The following PLCH1 variants were observed in gnomAD, a reference collection of about 807,000 sequenced individuals.
PLCH1 encodes phospholipase C eta 1, also known as 1-phosphatidylinositol 4,5-bisphosphate phosphodiesterase eta-1.
In PLCH1, 60 loss-of-function variants were observed where a neutral mutation model predicts 126.7. The ratio of observed to expected loss-of-function variants is 0.47; its 90% CI spans 0.38 to 0.59. PLCH1 has a LOEUF of 0.59. Among genes scored for constraint, PLCH1 ranks in the 20% least tolerant of loss-of-function variants. The pLI is 0.00. For missense variants in PLCH1, 1,723 were observed against 2,040.0 expected, an observed-to-expected ratio of 0.84 and a Z score of 2.99; for synonymous variants, 719 against 734.9, an observed-to-expected ratio of 0.98 and a Z score of 0.35.
chr3:155,485,651 T>C lies in PLCH1; in HGVS notation c.2679A>G (p.Ser893=). The part of the protein sequence containing the change: ...LFNKNPRHSS[S]ENNSHYVRKR... Reference sequence around the variant, plus strand: ...TCCGTACATAATGGGAATTGTTTTCTGAAGAACTGTGCCTAGGATTCTTAT... The same window carrying C: ...TCCGTACATAATGGGAATTGTTTTCCGAAGAACTGTGCCTAGGATTCTTAT... The change falls in exon 22 of 23, where the codon TCA becomes TCG. Residue 893 remains serine (S), a synonymous_variant. Coordinates refer to ENST00000460012, the MANE Select transcript of PLCH1 (RefSeq NM_014996.4). 2 of 1,608,992 alleles carry C rather than the reference T, an allele frequency of 1.2e-6. No individual in the cohort carries two copies. The highest frequency in any genetic ancestry group is 1.7e-6 in the Non-Finnish European group (2 of 1,179,974).
intron 4 of PLCH1, among the ~76,000 whole-genome samples, chr3:155,586,822 C>T (rs551882206): frequency 6.6e-6 from 1 of 152,232 alleles, no homozygotes; most frequent in South Asian, 2.1e-4. Flanking sequence ...AATATCAAAT[C>T]TATTATTGCA....
intron 6 of PLCH1, among the ~76,000 whole-genome samples, chr3:155,571,637 G>T (rs1729240145): frequency 6.6e-6 from 1 of 152,174 alleles, no homozygotes; most frequent in Non-Finnish European, 1.5e-5. Flanking sequence ...GACCTCAGGT[G>T]ATCTGCCCAC....
chr3:155,461,866 C>T (rs1712739705), intron 21 of PLCH1, among the ~76,000 whole-genome samples: 1 of 152,172 alleles, frequency 6.6e-6, no homozygotes, highest in African/African-American at 2.4e-5. Flanking sequence ...ATGATGGGCT[C>T]ATAAACAAAG....
Position 155,688,302 on chromosome 3 carries a change from G to T in PLCH1, c.79+15844C>A, listed in dbSNP as rs894464779. Among the ~76,000 whole-genome samples, 4 of 152,260 alleles carry T rather than the reference G, an allele frequency of 2.6e-5. No homozygotes were observed. The South Asian group carries it at 8.3e-4, about 32-fold the overall frequency. On this transcript the variant is annotated intron_variant, in intron 2 of 22. Transcript: ENST00000460012. ...ATGCCATAAATATCTAGCCATTTTT[G>T]ATAATCAGAAAATGCAGTGATTTAC...
intron 2 of PLCH1, among the ~76,000 whole-genome samples, chr3:155,619,498 T>TTAAAAAAAAAAAAAA (rs200522384): frequency 7.5e-6 from 1 of 133,522 alleles, no homozygotes; most frequent in Non-Finnish European, 1.7e-5. Context: ...ACAGAAAAAG[T>TTAAAAAAAAAAAAAA]AAAAAAAAAA....
At chr3:155,734,610 T>A (rs1749014482) in intron 1 of PLCH1, among the ~76,000 whole-genome samples, 3 of 152,066 alleles carry the variant, frequency 2.0e-5, no homozygotes, top group Admixed American at 2.0e-4. Flanking sequence ...TTGTTCAGAA[T>A]AGCGAAGTTA....
intron 2 of PLCH1, among the ~76,000 whole-genome samples, chr3:155,641,397 A>G (rs1249799318): frequency 2.0e-5 from 3 of 152,044 alleles, no homozygotes; most frequent in Admixed American, 6.6e-5. Context: ...AATATTCCTT[A>G]ACTGTGTTTG....
intron 4 of PLCH1, among the ~76,000 whole-genome samples, chr3:155,588,304 G>A (rs1268990732): frequency 6.6e-6 from 1 of 152,094 alleles, no homozygotes; most frequent in African/African-American, 2.4e-5. Context: ...TGGAAGTTAA[G>A]GGAGGTCCAG....
intron 10 of PLCH1, among the ~76,000 whole-genome samples, chr3:155,540,621 G>A (rs569499125): frequency 6.6e-6 from 1 of 152,044 alleles, no homozygotes; most frequent in East Asian, 1.9e-4. Flanking sequence ...TATACAAATG[G>A]TCAACAAACA....
intron 2 of PLCH1, among the ~76,000 whole-genome samples, chr3:155,623,263 G>A (rs1736751642): frequency 6.6e-6 from 1 of 152,194 alleles, no homozygotes; most frequent in African/African-American, 2.4e-5. Flanking sequence ...GCAGTGTGTA[G>A]AGGGAAATTT....
At chr3:155,739,999 A>G (rs1037301987) in intron 1 of PLCH1, among the ~76,000 whole-genome samples, 1 of 152,252 alleles carries the variant, frequency 6.6e-6, no homozygotes, top group Admixed American at 6.5e-5. Flanking sequence ...TCATGCCAAA[A>G]TTCCTCAGAC....
chr3:155,480,148 A>G lies in PLCH1; in HGVS notation c.*820T>C, dbSNP rs1278004619. ...GGGGAAGTTTTCAATTTGTGCTACTATTATCATTAGAGTCTGATGGAAGTC... is the reference window on the plus strand; with the variant it reads ...GGGGAAGTTTTCAATTTGTGCTACTGTTATCATTAGAGTCTGATGGAAGTC... On this transcript the variant is annotated 3_prime_UTR_variant, in exon 23 of 23. Transcript: ENST00000460012. 1 of 152,628 alleles carries G rather than the reference A, an allele frequency of 6.6e-6. No individual in the cohort carries two copies. Among genetic ancestry groups the G allele is most frequent in the Non-Finnish European group, 1.5e-5 (1 of 68,040 alleles). 9.5% of individuals were successfully genotyped at this position (152,628 alleles called of 1,614,324 possible).
chr3:155,457,352 C>T (rs1441424385), intron 21 of PLCH1: 1 of 152,160 alleles, frequency 6.6e-6, no homozygotes, highest in East Asian at 1.9e-4. Context: ...CTTCAAGTGC[C>T]CATCATGTGC....
At chr3:155,742,407 A>G (rs1482553754) in intron 1 of PLCH1, 1 of 152,186 alleles carries the variant, frequency 6.6e-6, no homozygotes, top group Admixed American at 6.5e-5. Context: ...GGAAGCAATA[A>G]CTTTAAACAG....
intron 21 of PLCH1, among the ~76,000 whole-genome samples, chr3:155,459,575 A>C (rs1712635099): frequency 6.6e-6 from 1 of 152,168 alleles, no homozygotes; most frequent in Admixed American, 6.5e-5. Context: ...GTAATTGAGA[A>C]AGGGGTCAGA....
chr3:155,471,228 G>A (rs1438242714), intron 21 of PLCH1, among the ~76,000 whole-genome samples: 1 of 152,122 alleles, frequency 6.6e-6, no homozygotes, highest in Non-Finnish European at 1.5e-5. Flanking sequence ...AAGGATGGAG[G>A]AAGACCTACC....
chr3:155,515,825 C>T (rs1428928971), intron 11 of PLCH1, among the ~76,000 whole-genome samples: 4 of 152,206 alleles, frequency 2.6e-5, no homozygotes, highest in African/African-American at 7.2e-5. Flanking sequence ...GAAAGGGATA[C>T]TCCTTCACAA....
At chr3:155,635,122 T>C (rs1209270709) in intron 2 of PLCH1, among the ~76,000 whole-genome samples, 3 of 143,898 alleles carry the variant, frequency 2.1e-5, no homozygotes, top group Non-Finnish European at 4.5e-5. Context: ...AGACTCAACG[T>C]GTCATTCATT....
intron 6 of PLCH1, among the ~76,000 whole-genome samples, chr3:155,574,423 A>C (rs1424363304): frequency 2.0e-5 from 3 of 152,180 alleles, no homozygotes; most frequent in Admixed American, 2.0e-4. Flanking sequence ...CCCTGGGCAA[A>C]TGGAGTTGCT....
Sources: allele counts gnomAD v4.1 joint callset (sites outside exome capture counted in the v4.1 genomes callset), GRCh38; gene constraint gnomAD v4.1.1; transcripts MANE v1.5; gene names NCBI Gene and HGNC (gene_info 2026-07-23, HGNC 2026-07-21).